LRSAM1: variants seen among roughly 807,000 people sequenced by gnomAD.
LRSAM1 encodes the protein leucine rich repeat and sterile alpha motif containing 1, also known as E3 ubiquitin-protein ligase LRSAM1.
LRSAM1 carries 96 observed loss-of-function variants against 118.1 expected under a neutral mutation model. The observed-to-expected ratio is 0.81, with a 90% CI of 0.69 to 0.96. The LOEUF (loss-of-function observed/expected upper bound fraction) is 0.96, where lower values mean the gene tolerates loss of function less well. Among genes scored for constraint, LRSAM1 ranks in the 40% least tolerant of loss-of-function variants. The pLI, the probability that LRSAM1 is intolerant of heterozygous loss-of-function variation, is 0.00. For synonymous variants in LRSAM1, 322 were observed against 364.2 expected (o/e 0.88, Z 1.32); for missense variants, 804 against 915.5 (o/e 0.88, Z 1.57).
At chr9:127,458,286 G>A (rs1049791790) in intron 6 of LRSAM1, among the ~76,000 whole-genome samples, 1 of 152,066 alleles carries the variant, frequency 6.6e-6, no homozygotes, top group Non-Finnish European at 1.5e-5. Flanking sequence ...GGAGGCTGAG[G>A]CAGGAGAATG....
At chr9:127,475,493 T>TCAAA (rs145876315) in intron 11 of LRSAM1, among the ~76,000 whole-genome samples, 13 of 151,696 alleles carry the variant, frequency 8.6e-5, no homozygotes, top group East Asian at 3.9e-4. Context: ...AGACTCCATC[T>TCAAA]CAAACAAACA....
At chr9:127,458,855 A>C in intron 6 of LRSAM1, 148 bp from the exon 7 acceptor site, 1 of 717,248 alleles carries the variant, frequency 1.4e-6, no homozygotes, top group Non-Finnish European at 2.5e-6. Flanking sequence ...TGAGGCGGGA[A>C]TGATCAACAC....
chr9:127,462,718 T>C (rs866180996), intron 9 of LRSAM1, among the ~76,000 whole-genome samples: 3 of 151,956 alleles, frequency 2.0e-5, no homozygotes, highest in Non-Finnish European at 2.9e-5. Flanking sequence ...GAAAAGCTAA[T>C]GGATGCTGGG....
rs536378920 is a variant in LRSAM1 at position 127,462,793 on chromosome 9, A to G, written c.528+420A>G. ...ACCGTGGCACATGTTTACCTTTGTA[A>G]CAAACCTGCACGTGCTGCACATGTA... On this transcript the variant is annotated intron_variant, in intron 9 of 25. Coordinates refer to ENST00000300417, the MANE Select transcript of LRSAM1 (RefSeq NM_001005373.4). Among the ~76,000 whole-genome samples the G allele has an allele frequency of 7.4e-4, 112 of 152,144 alleles. 2 individuals are homozygous for G. In the South Asian group the frequency reaches 0.016, roughly 22 times the overall value.
chr9:127,491,642 G>T (rs1018458301), intron 20 of LRSAM1, among the ~76,000 whole-genome samples: 1 of 152,244 alleles, frequency 6.6e-6, no homozygotes, highest in Non-Finnish European at 1.5e-5. Flanking sequence ...CGTGCTTTAG[G>T]CCCCCAGGCA....
intron 18 of LRSAM1, 35 bp from the exon 19 acceptor site, chr9:127,489,409 C>A: frequency 1.3e-6 from 2 of 1,586,400 alleles, no homozygotes; most frequent in South Asian, 1.2e-5. Context: ...AGTGTGGGCA[C>A]GGCCCCTGCT....
At chr9:127,479,265 G>A (rs1835443680) in intron 12 of LRSAM1, 118 bp from the exon 13 acceptor site, 2 of 1,456,632 alleles carry the variant, frequency 1.4e-6, no homozygotes, top group South Asian at 1.2e-5. Flanking sequence ...AGTGGGGGTT[G>A]CTCAGCATGA....
At position 127,461,191 on chromosome 9, in the gene LRSAM1, A is replaced by T; in HGVS notation, c.340A>T (p.Asn114Tyr). The T allele has an allele frequency of 6.2e-7, 1 of 1,611,858 alleles. No homozygotes were observed. The highest frequency in any genetic ancestry group is 8.5e-7 in the Non-Finnish European group (1 of 1,178,444). Residue 114 changes from asparagine (N) to tyrosine (Y), a missense_variant, in exon 8 of 26, where the codon AAT becomes TAT. By Grantham distance (143) the Asn-to-Tyr change is moderately radical. Transcript: ENST00000300417. The part of the protein sequence containing the change: ...TALQVLNVER[N>Y]QLMQLPRSIG... ...TTCTTAGGTCTTAAACGTGGAAAGG[A>T]ATCAACTGATGCAGCTCCCACGTTC...
chr9:127,485,787 T>G lies in LRSAM1; in HGVS notation c.1211T>G (p.Met404Arg). The G allele has an allele frequency of 6.2e-7, 1 of 1,614,122 alleles. No individual in the cohort carries two copies. The highest frequency in any genetic ancestry group is 1.1e-5 in the South Asian group (1 of 91,084). Residue 404 changes from methionine to arginine, a missense_variant, in exon 17 of 26, where the codon ATG (methionine) becomes AGG (arginine). Met to Arg is a moderately conservative substitution (Grantham distance 91). Transcript: ENST00000300417. ...AGCTGTAAGAACCGGCTCATCCAGATGGCCTACGAATCTCAGAGGCAGAAC... is the reference window on the plus strand; with the variant it reads ...AGCTGTAAGAACCGGCTCATCCAGAGGGCCTACGAATCTCAGAGGCAGAAC... ...TESCKNRLIQ[M>R]AYESQRQNLV...
At chr9:127,482,140 C>CTTTTTTT (rs769821359) in intron 15 of LRSAM1, among the ~76,000 whole-genome samples, 1 of 117,944 alleles carries the variant, frequency 8.5e-6, no homozygotes. Context: ...TTTAGTATAT[C>CTTTTTTT]TTTTTTTTTT....
Position 127,501,071 on chromosome 9 carries a change from T to C in LRSAM1, c.1974T>C (p.Ser658=), listed in dbSNP as rs140336379. The change falls in exon 25 of 26, where the codon TCT becomes TCC. Residue 658 remains serine, a synonymous_variant. Transcript: ENST00000300417. Reference sequence around the variant, plus strand: ...CGGCCCCCCAGGAGCCTCCTGAGTCTGTGAGGCCATCCGCTCCCCCTGCAG... The same window carrying C: ...CGGCCCCCCAGGAGCCTCCTGAGTCCGTGAGGCCATCCGCTCCCCCTGCAG... ...TPTAPQEPPE[S]VRPSAPPAEL... is the part of the protein sequence containing the mutation. The C allele has an allele frequency of 8.6e-4, 1,385 of 1,614,018 alleles. 2 individuals are homozygous for C. The highest frequency in any genetic ancestry group is 1.1e-3 in the Non-Finnish European group (1,275 of 1,180,002).
intron 10 of LRSAM1, among the ~76,000 whole-genome samples, chr9:127,469,378 G>A (rs1246602244): frequency 8.0e-4 from 121 of 152,172 alleles, no homozygotes; most frequent in Non-Finnish European, 1.5e-5. Flanking sequence ...GCTGAGGCAG[G>A]AGAATCACTT....
intron 11 of LRSAM1, among the ~76,000 whole-genome samples, chr9:127,475,013 C>T (rs987991121): frequency 2.6e-5 from 4 of 152,088 alleles, no homozygotes; most frequent in Middle Eastern, 3.4e-3. Context: ...CACCCTTTCC[C>T]GTTTTCCACT....
intron 2 of LRSAM1, among the ~76,000 whole-genome samples, chr9:127,453,128 C>T (rs1010892365): frequency 3.3e-5 from 5 of 152,312 alleles, no homozygotes; most frequent in African/African-American, 1.2e-4. Flanking sequence ...GTCACCCAGG[C>T]TGGAGTGCAG....
Position 127,501,014 on chromosome 9 carries a change from G to A in LRSAM1, c.1917G>A (p.Leu639=), listed in dbSNP as rs1564286565. Residue 639 remains leucine (L), a synonymous_variant, in exon 25 of 26, where the codon CTG becomes CTA. Transcript: ENST00000300417. ...LLDAARIQPE[L]KPPMGEVVTP... ...CTGTCTGTCTGGTCCCCACAGAGCTGAAACCACCAATGGGTGAGGTCGTCA... is the reference window on the plus strand; with the variant it reads ...CTGTCTGTCTGGTCCCCACAGAGCTAAAACCACCAATGGGTGAGGTCGTCA... 3 of 1,613,960 alleles carry A rather than the reference G, an allele frequency of 1.9e-6. No homozygotes were observed. Among genetic ancestry groups the A allele is most frequent in the Non-Finnish European group, 2.5e-6 (3 of 1,180,020 alleles).
At chr9:127,480,841 C>T (rs1457048490) in intron 14 of LRSAM1, among the ~76,000 whole-genome samples, 1 of 152,128 alleles carries the variant, frequency 6.6e-6, no homozygotes, top group Non-Finnish European at 1.5e-5. Context: ...GCTTGGGCCA[C>T]CACGCCTGGC....
intron 19 of LRSAM1, among the ~76,000 whole-genome samples, chr9:127,490,273 T>C (rs1277410724): frequency 2.6e-5 from 4 of 152,036 alleles, no homozygotes; most frequent in Admixed American, 2.6e-4. Context: ...TTTCTTTCTT[T>C]CTTTTTTTGG....
intron 15 of LRSAM1, 63 bp from the exon 16 acceptor site, chr9:127,482,887 T>TCCC: frequency 2.0e-6 from 3 of 1,475,724 alleles, no homozygotes; most frequent in Non-Finnish European, 2.8e-6. Context: ...GTGGTGTTCA[T>TCCC]CTGCTGGGAT....
At chr9:127,499,253 A>C (rs1836276799) in intron 24 of LRSAM1, among the ~76,000 whole-genome samples, 1 of 152,008 alleles carries the variant, frequency 6.6e-6, no homozygotes, top group South Asian at 2.1e-4. Flanking sequence ...TGCACACCTT[A>C]GTTCCAGCTA....
Sources: gnomAD v4.1 joint callset for allele counts (sites outside exome capture counted in the v4.1 genomes callset) on GRCh38, gnomAD v4.1.1 for gene constraint, MANE v1.5 for transcripts, NCBI Gene and HGNC (gene_info 2026-07-23, HGNC 2026-07-21) for gene names.